AGTPBP1: variants seen among roughly 807,000 people sequenced by gnomAD.
AGTPBP1 encodes cytosolic carboxypeptidase 1.
Under a neutral mutation model 143.9 loss-of-function variants are expected in AGTPBP1, and 70 were observed. The observed-to-expected ratio is 0.49, with a 90% CI of 0.40 to 0.59. The LOEUF (loss-of-function observed/expected upper bound fraction) is 0.59. Among genes scored for constraint, AGTPBP1 ranks in the 20% least tolerant of loss-of-function variants. The probability of loss-of-function intolerance (pLI) is 0.00; values close to 1 mark genes in which losing one functional copy is unlikely to be tolerated. For missense variants in AGTPBP1, 1,229 were observed against 1,464.5 expected, an observed-to-expected ratio of 0.84 and a Z score of 2.62; for synonymous variants, 463 against 500.2, an observed-to-expected ratio of 0.93 and a Z score of 0.99.
At chr9:85,690,770 G>A (rs1359591282) in intron 3 of AGTPBP1, among the ~76,000 whole-genome samples, 2 of 151,466 alleles carry the variant, frequency 1.3e-5, no homozygotes, top group African/African-American at 4.9e-5. Context: ...TGGGAAGAGG[G>A]TCATTCTCTG....
the AGTPBP1 span, among the ~76,000 whole-genome samples, chr9:85,791,008 TTG>T: frequency 6.6e-6 from 1 of 152,222 alleles, no homozygotes; most frequent in African/African-American, 2.4e-5. Flanking sequence ...TACTGTATTA[TTG>T]TGTTTTCAAG....
chr9:85,582,209 C>A (rs570142929), intron 23 of AGTPBP1, among the ~76,000 whole-genome samples: 1 of 152,064 alleles, frequency 6.6e-6, no homozygotes, highest in African/African-American at 2.4e-5. Context: ...ATTGATAGAC[C>A]TTATTCAAAT....
At chr9:85,657,893 C>T (rs1833629497) in intron 9 of AGTPBP1, among the ~76,000 whole-genome samples, 1 of 152,100 alleles carries the variant, frequency 6.6e-6, no homozygotes, top group Non-Finnish European at 1.5e-5. Flanking sequence ...AATCTCTTTA[C>T]TAAAATTAGA....
At chr9:85,753,446 T>C in the AGTPBP1 span, 1 of 1,612,928 alleles carries the variant, frequency 6.2e-7, no homozygotes, top group Non-Finnish European at 8.5e-7. Flanking sequence ...TAGCGTTTCC[T>C]GGTTTCTCTT....
At chr9:85,556,148 T>C (rs1250350395) in intron 25 of AGTPBP1, among the ~76,000 whole-genome samples, 3 of 152,096 alleles carry the variant, frequency 2.0e-5, no homozygotes, top group Non-Finnish European at 2.9e-5. Context: ...TAAAAAATAC[T>C]ACTAATAAAA....
chr9:85,721,616 CTT>C (rs1189310064), intron 1 of AGTPBP1, among the ~76,000 whole-genome samples: 8 of 151,482 alleles, frequency 5.3e-5, no homozygotes, highest in African/African-American at 4.9e-5. Context: ...GGTCTTGACT[CTT>C]TATCCAATTT....
chr9:85,564,166 A>G (rs1826927989), intron 25 of AGTPBP1, among the ~76,000 whole-genome samples: 1 of 152,260 alleles, frequency 6.6e-6, no homozygotes, highest in South Asian at 2.1e-4. Flanking sequence ...ACCAATGGCC[A>G]GCAAAACTGC....
chr9:85,788,769 C>T, the AGTPBP1 span, among the ~76,000 whole-genome samples: 3 of 149,390 alleles, frequency 2.0e-5, no homozygotes, highest in East Asian at 3.9e-4. Flanking sequence ...CATTATATAG[C>T]TATAATGTAT....
chr9:85,557,978 T>C (rs1389947147), intron 25 of AGTPBP1, among the ~76,000 whole-genome samples: 1 of 152,238 alleles, frequency 6.6e-6, no homozygotes. Flanking sequence ...ACTCATAGTG[T>C]TCCCTATACC....
chr9:85,632,539 A>C (rs537650516), intron 14 of AGTPBP1, 123 bp downstream of exon 14: 1 of 880,894 alleles, frequency 1.1e-6, no homozygotes, highest in Admixed American at 3.3e-5. Context: ...AGCAGAATTT[A>C]AAAATACAGT....
At chr9:85,617,437 T>C (rs1830658395) in intron 17 of AGTPBP1, among the ~76,000 whole-genome samples, 1 of 152,204 alleles carries the variant, frequency 6.6e-6, no homozygotes, top group South Asian at 2.1e-4. Context: ...ACTTGAAACT[T>C]GATGCTTCAA....
the AGTPBP1 span, among the ~76,000 whole-genome samples, chr9:85,801,972 T>C: frequency 6.6e-6 from 1 of 152,196 alleles, no homozygotes; most frequent in Non-Finnish European, 1.5e-5. Flanking sequence ...TAGATATATA[T>C]AACTATGTGG....
chr9:85,703,246 G>C (rs1382016722), intron 2 of AGTPBP1, among the ~76,000 whole-genome samples: 2 of 152,166 alleles, frequency 1.3e-5, no homozygotes, highest in African/African-American at 4.8e-5. Flanking sequence ...ATAATTTCCA[G>C]GAAGAGATGG....
chr9:85,649,000 T>C (rs1211138144), intron 11 of AGTPBP1, among the ~76,000 whole-genome samples: 1 of 152,232 alleles, frequency 6.6e-6, no homozygotes, highest in Non-Finnish European at 1.5e-5. Context: ...TGAAATGCCA[T>C]GTAGCTTAAG....
intron 12 of AGTPBP1, among the ~76,000 whole-genome samples, chr9:85,645,052 C>A (rs34585641): frequency 0.083 from 12,578 of 152,104 alleles, 568 homozygotes; most frequent in Non-Finnish European, 0.095. Context: ...CTTTCTGAAT[C>A]CTGGCTCCAC....
chr9:85,799,493 G>A, the AGTPBP1 span, among the ~76,000 whole-genome samples: 1 of 152,234 alleles, frequency 6.6e-6, no homozygotes, highest in East Asian at 1.9e-4. Context: ...GCAACACAGA[G>A]ATACCCCATC....
chr9:85,646,533 G>T, intron 11 of AGTPBP1, 115 bp from the exon 12 acceptor site: 1 of 734,594 alleles, frequency 1.4e-6, no homozygotes, highest in Non-Finnish European at 2.2e-6. Flanking sequence ...AAAAGTAAAT[G>T]AGATTTCTTA....
chr9:85,757,016 G>T, the AGTPBP1 span, among the ~76,000 whole-genome samples: 31 of 152,028 alleles, frequency 2.0e-4, no homozygotes, highest in Middle Eastern at 3.4e-3. Flanking sequence ...GGGGGGTGAA[G>T]AAAATGTAAA....
rs1491203442 is a variant in AGTPBP1 at position 85,668,967 on chromosome 9, A to ATATGTGTG, written c.662+517_662+518insCACACATA. Among the ~76,000 whole-genome samples the ATATGTGTG allele has an allele frequency of 2.1e-3, 244 of 114,436 alleles. 8 individuals carry two copies. The highest frequency in any genetic ancestry group is 7.0e-3 in the African/African-American group (223 of 31,712). 75.1% of individuals were successfully genotyped at this position (114,436 alleles called of 152,430 possible). ...TGAATAAAAATACATACATACATAC[A>ATATGTGTG]TGTGTGTGTGTGTGTGTGTGTGTGT... is the stretch of plus-strand genomic sequence containing the variant. On this transcript the variant is annotated intron_variant, in intron 8 of 25. Transcript: ENST00000357081.
Sources: allele counts gnomAD v4.1 joint callset (sites outside exome capture counted in the v4.1 genomes callset), GRCh38; gene constraint gnomAD v4.1.1; transcripts MANE v1.5; gene names NCBI Gene and HGNC (gene_info 2026-07-23, HGNC 2026-07-21).